EPHA5: variants seen among roughly 807,000 people sequenced by gnomAD.
The protein encoded by EPHA5 is EPH receptor A5, also known as ephrin type-A receptor 5.
Under a neutral mutation model 105.0 loss-of-function variants are expected in EPHA5, and 60 were observed. The observed-to-expected ratio is 0.57, with a 90% CI of 0.46 to 0.71. The LOEUF (loss-of-function observed/expected upper bound fraction) is 0.71. Ranked by LOEUF, EPHA5 falls within the 30% of genes least tolerant of loss-of-function variation. The pLI is 0.00. For synonymous variants in EPHA5, 513 were observed against 449.1 expected (o/e 1.14, Z -1.80); for missense variants, 1,218 against 1,274.7 (o/e 0.96, Z 0.68).
intron 2 of EPHA5, among the ~76,000 whole-genome samples, chr4:65,617,619 G>A (rs1335899628): frequency 1.3e-5 from 2 of 152,070 alleles, no homozygotes; most frequent in African/African-American, 4.8e-5. Context: ...ACTCTGAAAT[G>A]TTGCCAGCCT....
At chr4:65,429,822 A>G (rs1724807556) in intron 5 of EPHA5, among the ~76,000 whole-genome samples, 2 of 152,094 alleles carry the variant, frequency 1.3e-5, no homozygotes, top group South Asian at 4.1e-4. Flanking sequence ...AAAATCTGAT[A>G]TTATGCCAGT....
intron 1 of EPHA5, among the ~76,000 whole-genome samples, chr4:65,667,993 G>A (rs1750098271): frequency 6.6e-6 from 1 of 152,026 alleles, no homozygotes; most frequent in Non-Finnish European, 1.5e-5. Flanking sequence ...AAAGGTCTAC[G>A]ACTCTCAAAA....
At chr4:65,612,317 T>A (rs1399119240) in intron 2 of EPHA5, among the ~76,000 whole-genome samples, 1 of 151,968 alleles carries the variant, frequency 6.6e-6, no homozygotes, top group Non-Finnish European at 1.5e-5. Flanking sequence ...TCATCCCTCA[T>A]CCCCCTCCCA....
chr4:65,454,110 G>A (rs902193139), intron 5 of EPHA5, among the ~76,000 whole-genome samples: 17 of 152,066 alleles, frequency 1.1e-4, no homozygotes, highest in East Asian at 1.9e-4. Flanking sequence ...GAAAAACCCC[G>A]TCTCTACTAA....
intron 5 of EPHA5, among the ~76,000 whole-genome samples, chr4:65,484,684 T>C (rs1412732416): frequency 6.6e-6 from 1 of 152,152 alleles, no homozygotes; most frequent in African/African-American, 2.4e-5. Context: ...GAGCTTATTT[T>C]CTATTGGGAC....
At chr4:65,600,859 G>T (rs528161454) in intron 3 of EPHA5, among the ~76,000 whole-genome samples, 14 of 152,068 alleles carry the variant, frequency 9.2e-5, no homozygotes, top group South Asian at 4.1e-4. Flanking sequence ...CAAATTTCCA[G>T]TTTAAACGGC....
At position 65,495,776 on chromosome 4, in the gene EPHA5, A is replaced by AT. The variant is rs931071883; in HGVS notation, c.911-234dup. ...TTATGGAATGTACATACTTGTAATG[A>AT]TTTTTATGCTACAGGAGCTTATAAG... On this transcript the variant is annotated intron_variant, in intron 3 of 16. Coordinates refer to ENST00000613740, the MANE Select transcript of EPHA5 (RefSeq NM_001281766.3). Among the ~76,000 whole-genome samples, 23 of 152,292 alleles carry AT rather than the reference A, an allele frequency of 1.5e-4. No individual in the cohort carries two copies. The South Asian group carries it at 3.9e-3, about 26-fold the overall frequency.
intron 8 of EPHA5, among the ~76,000 whole-genome samples, chr4:65,369,114 T>A (rs1246646708): frequency 2.6e-5 from 4 of 152,150 alleles, no homozygotes; most frequent in Non-Finnish European, 4.4e-5. Flanking sequence ...CATCTATAAA[T>A]CCTTGCAGTG....
intron 7 of EPHA5, among the ~76,000 whole-genome samples, chr4:65,413,758 A>C (rs1350768949): frequency 2.6e-5 from 4 of 152,180 alleles, no homozygotes; most frequent in Non-Finnish European, 5.9e-5. Context: ...CTATTTTTAT[A>C]GAGAAAAAAG....
At chr4:65,642,855 C>A (rs1252675072) in intron 2 of EPHA5, among the ~76,000 whole-genome samples, 2 of 151,722 alleles carry the variant, frequency 1.3e-5, no homozygotes, top group Non-Finnish European at 2.9e-5. Context: ...TTCTTGGAAT[C>A]TTTTTTTATC....
chr4:65,322,196 G>A lies in EPHA5; in HGVS notation c.*1918C>T, dbSNP rs1474939689. 16 of 224,052 alleles carry A rather than the reference G, an allele frequency of 7.1e-5. No individual in the cohort carries two copies. Among genetic ancestry groups the A allele is most frequent in the Non-Finnish European group, 1.2e-4 (13 of 112,286 alleles). 13.9% of individuals were successfully genotyped at this position (224,052 alleles called of 1,614,324 possible). A position where few individuals can be genotyped will look rare whatever the true frequency, so the allele number is the denominator to read the frequency against. ...ATTATGAGAACTGAATGTATTATTT[G>A]AAAACTGTTTAGATTTTTGTTGTGG... On this transcript the variant is annotated 3_prime_UTR_variant, in exon 17 of 17. Transcript: ENST00000613740.
chr4:65,354,928 C>T (rs917576546), intron 11 of EPHA5, among the ~76,000 whole-genome samples: 1 of 151,740 alleles, frequency 6.6e-6, no homozygotes, highest in Non-Finnish European at 1.5e-5. Flanking sequence ...AAGTGTATTG[C>T]AAAGGCAGCC....
At chr4:65,550,345 T>C (rs1737779847) in intron 3 of EPHA5, among the ~76,000 whole-genome samples, 4 of 152,144 alleles carry the variant, frequency 2.6e-5, no homozygotes, top group African/African-American at 2.4e-5. Context: ...TTACAAATAG[T>C]TGATATTTAT....
intron 15 of EPHA5, among the ~76,000 whole-genome samples, chr4:65,335,158 C>G (rs2148810144): frequency 6.6e-6 from 1 of 152,066 alleles, no homozygotes; most frequent in South Asian, 2.1e-4. Context: ...TAACATAACA[C>G]TTTCTTGTAA....
At chr4:65,547,238 T>C (rs1737463651) in intron 3 of EPHA5, among the ~76,000 whole-genome samples, 1 of 150,916 alleles carries the variant, frequency 6.6e-6, no homozygotes, top group Non-Finnish European at 1.5e-5. Context: ...TGGACTTCCC[T>C]GCTACCTGCA....
At chr4:65,561,251 A>G (rs545401758) in intron 3 of EPHA5, among the ~76,000 whole-genome samples, 37 of 152,192 alleles carry the variant, frequency 2.4e-4, no homozygotes, top group African/African-American at 8.9e-4. Context: ...GATATTATTT[A>G]TCTAAGAATG....
At chr4:65,437,611 C>A (rs946795932) in intron 5 of EPHA5, among the ~76,000 whole-genome samples, 7 of 151,860 alleles carry the variant, frequency 4.6e-5, no homozygotes, top group Non-Finnish European at 8.8e-5. Context: ...CAATTACTGA[C>A]CAGAAAATCA....
At chr4:65,516,894 C>A (rs997527173) in intron 3 of EPHA5, among the ~76,000 whole-genome samples, 1 of 151,494 alleles carries the variant, frequency 6.6e-6, no homozygotes, top group African/African-American at 2.4e-5. Context: ...TGAGACTAAC[C>A]AGACAGCACA....
At chr4:65,648,182 C>T (rs1410369727) in intron 1 of EPHA5, among the ~76,000 whole-genome samples, 1 of 152,100 alleles carries the variant, frequency 6.6e-6, no homozygotes, top group Non-Finnish European at 1.5e-5. Context: ...TTCCTAAATC[C>T]TCAACTTCAC....
Sources: allele counts gnomAD v4.1 joint callset (sites outside exome capture counted in the v4.1 genomes callset), GRCh38; gene constraint gnomAD v4.1.1; transcripts MANE v1.5; gene names NCBI Gene and HGNC (gene_info 2026-07-23, HGNC 2026-07-21).